The following IQCJ variants were observed in gnomAD, a reference collection of about 807,000 sequenced individuals.
IQCJ encodes the protein IQ domain-containing protein J.
In IQCJ, 9 loss-of-function variants were observed where a neutral mutation model predicts 11.0. The ratio of observed to expected loss-of-function variants is 0.82; its 90% CI spans 0.49 to 1.43. IQCJ has a LOEUF of 1.43. IQCJ is among the 40% of genes most tolerant of loss of function. The pLI is 0.00. For missense variants in IQCJ, 146 were observed against 133.2 expected (o/e 1.10, Z -0.47); for synonymous variants, 55 against 51.3 (o/e 1.07, Z -0.31).
At chr3:159,241,275 G>T (rs1234741604) in intron 1 of IQCJ, among the ~76,000 whole-genome samples, 1 of 151,994 alleles carries the variant, frequency 6.6e-6, no homozygotes, top group Non-Finnish European at 1.5e-5. Context: ...TGGGTATGGT[G>T]GTGGGTGCCT....
At chr3:159,117,195 T>G (rs539456241) in intron 1 of IQCJ, among the ~76,000 whole-genome samples, 1 of 152,282 alleles carries the variant, frequency 6.6e-6, no homozygotes, top group Admixed American at 6.5e-5. Flanking sequence ...AGTCACTGCA[T>G]TCTGTAGCCT....
chr3:159,078,863 T>A (rs1716120512), intron 1 of IQCJ, among the ~76,000 whole-genome samples: 1 of 152,106 alleles, frequency 6.6e-6, no homozygotes, highest in Non-Finnish European at 1.5e-5. Flanking sequence ...GCTTTAACCT[T>A]CCATGGCTGC....
intron 1 of IQCJ, among the ~76,000 whole-genome samples, chr3:159,113,601 T>C (rs1455284629): frequency 2.0e-5 from 3 of 152,214 alleles, no homozygotes; most frequent in Non-Finnish European, 4.4e-5. Flanking sequence ...GCTCTGCCCT[T>C]ACAACACCTA....
At chr3:159,092,487 C>G (rs1457319412) in intron 1 of IQCJ, among the ~76,000 whole-genome samples, 1 of 151,792 alleles carries the variant, frequency 6.6e-6, no homozygotes, top group Non-Finnish European at 1.5e-5. Context: ...ATCACGAGAT[C>G]AGGAGATGGA....
intron 1 of IQCJ, among the ~76,000 whole-genome samples, chr3:159,144,175 A>C (rs1720787546): frequency 1.3e-5 from 2 of 152,212 alleles, no homozygotes; most frequent in African/African-American, 4.8e-5. Context: ...AGTATACTAG[A>C]AACCAAAAGG....
At chr3:159,140,917 A>G (rs1162682244) in intron 1 of IQCJ, among the ~76,000 whole-genome samples, 2 of 152,194 alleles carry the variant, frequency 1.3e-5, no homozygotes, top group Non-Finnish European at 2.9e-5. Flanking sequence ...AGAGCCCTGC[A>G]CTTTTCATAG....
At chr3:159,223,168 GA>G (rs1294067870) in intron 1 of IQCJ, among the ~76,000 whole-genome samples, 1 of 152,036 alleles carries the variant, frequency 6.6e-6, no homozygotes, top group African/African-American at 2.4e-5. Context: ...AGTCCTTGAG[GA>G]ATTTGCTAGA....
At chr3:159,203,653 T>A (rs948099700) in intron 1 of IQCJ, among the ~76,000 whole-genome samples, 1 of 151,728 alleles carries the variant, frequency 6.6e-6, no homozygotes, top group Non-Finnish European at 1.5e-5. Flanking sequence ...GCTGTATCAG[T>A]GTGTGTGTGA....
chr3:159,163,278 T>A (rs112244770), intron 1 of IQCJ, among the ~76,000 whole-genome samples: 12 of 152,126 alleles, frequency 7.9e-5, no homozygotes, highest in African/African-American at 2.7e-4. Context: ...TATACACAAA[T>A]CAATGAATGT....
At chr3:159,094,382 T>C (rs1717565348) in intron 1 of IQCJ, among the ~76,000 whole-genome samples, 1 of 151,236 alleles carries the variant, frequency 6.6e-6, no homozygotes, top group Non-Finnish European at 1.5e-5. Flanking sequence ...TTCAGGATCT[T>C]TTTTGTTTTA....
intron 1 of IQCJ, among the ~76,000 whole-genome samples, chr3:159,122,625 GTA>G (rs1422282296): frequency 1.3e-5 from 2 of 151,842 alleles, no homozygotes; most frequent in Non-Finnish European, 2.9e-5. Flanking sequence ...ATCTTCTGTT[GTA>G]TATGATTTTT....
intron 1 of IQCJ, among the ~76,000 whole-genome samples, chr3:159,183,954 T>C (rs1723240908): frequency 6.6e-6 from 1 of 151,390 alleles, no homozygotes; most frequent in African/African-American, 2.4e-5. Context: ...GACCATAGAG[T>C]TTCCTGCCTT....
At chr3:159,162,880 T>C (rs559129226) in intron 1 of IQCJ, among the ~76,000 whole-genome samples, 9 of 152,246 alleles carry the variant, frequency 5.9e-5, no homozygotes, top group African/African-American at 2.2e-4. Context: ...CAGGAAGAAG[T>C]TGAATCTCTG....
intron 1 of IQCJ, among the ~76,000 whole-genome samples, chr3:159,243,729 T>A (rs1020689948): frequency 1.3e-5 from 2 of 152,210 alleles, no homozygotes; most frequent in African/African-American, 4.8e-5. Context: ...TGTACACTTA[T>A]AAGGTGCATT....
At chr3:159,247,398 T>G (rs1422136450) in intron 2 of IQCJ, among the ~76,000 whole-genome samples, 1 of 152,202 alleles carries the variant, frequency 6.6e-6, no homozygotes, top group Admixed American at 6.5e-5. Context: ...CCGGTCTATT[T>G]ACTCAGGGTT....
At chr3:159,106,408 A>G (rs1718266264) in intron 1 of IQCJ, among the ~76,000 whole-genome samples, 1 of 152,082 alleles carries the variant, frequency 6.6e-6, no homozygotes, top group South Asian at 2.1e-4. Context: ...GAGGGAAGCT[A>G]GAGAAGAGAG....
chr3:159,196,164 C>A (rs886239025), intron 1 of IQCJ, among the ~76,000 whole-genome samples: 1 of 152,180 alleles, frequency 6.6e-6, no homozygotes, highest in Non-Finnish European at 1.5e-5. Flanking sequence ...GAACCTACGC[C>A]TAATTTCAGA....
At chr3:159,121,170 G>C (rs1263358109) in intron 1 of IQCJ, among the ~76,000 whole-genome samples, 1 of 142,180 alleles carries the variant, frequency 7.0e-6, no homozygotes, top group African/African-American at 2.6e-5. Context: ...GTCTTGCACT[G>C]TTGCCCAGGC....
chr3:159,265,586 C>A, downstream of IQCJ: 1 of 493,546 alleles, frequency 2.0e-6, no homozygotes, highest in Non-Finnish European at 3.6e-6. Context: ...TATGCCCTGC[C>A]TCTTGCTTGA....
Sources: allele counts gnomAD v4.1 joint callset (sites outside exome capture counted in the v4.1 genomes callset), GRCh38; gene constraint gnomAD v4.1.1; transcripts MANE v1.5; gene names NCBI Gene and HGNC (gene_info 2026-07-23, HGNC 2026-07-21).